ASB15: variants seen among roughly 807,000 people sequenced by gnomAD.
ASB15 encodes ankyrin repeat and SOCS box containing 15.
A neutral mutation model predicts 58.0 loss-of-function variants in ASB15; 54 were observed. The ratio of observed to expected loss-of-function variants is 0.93; its 90% CI spans 0.75 to 1.17. The LOEUF is 1.17. ASB15 is among the 50% of genes most tolerant of loss of function. The pLI, the probability that ASB15 is intolerant of heterozygous loss-of-function variation, is 0.00. For synonymous variants in ASB15, 249 were observed against 262.4 expected, an observed-to-expected ratio of 0.95 and a Z score of 0.50; for missense variants, 680 against 707.4, an observed-to-expected ratio of 0.96 and a Z score of 0.44.
At chr7:123,616,167 C>A in intron 4 of ASB15, 54 bp from the exon 5 acceptor site, 1 of 1,386,638 alleles carries the variant, frequency 7.2e-7, no homozygotes, top group South Asian at 1.3e-5. Flanking sequence ...TGTTTGGTTC[C>A]TTGAACTATA....
chr7:123,571,297 C>T (rs547696090), intron 1 of ASB15, among the ~76,000 whole-genome samples: 8 of 152,246 alleles, frequency 5.3e-5, no homozygotes, highest in Non-Finnish European at 8.8e-5. Context: ...TCTTCATTTT[C>T]GTTGTACTGT....
chr7:123,581,162 T>C (rs1054899776), intron 1 of ASB15, among the ~76,000 whole-genome samples: 1 of 151,892 alleles, frequency 6.6e-6, no homozygotes, highest in Non-Finnish European at 1.5e-5. Flanking sequence ...GGTGTTTCTC[T>C]GAGAGCATGA....
intron 1 of ASB15, among the ~76,000 whole-genome samples, chr7:123,587,975 G>C (rs1268231608): frequency 6.6e-6 from 1 of 151,732 alleles, no homozygotes; most frequent in Non-Finnish European, 1.5e-5. Context: ...ATGTTCATCA[G>C]GGATATTGCC....
chr7:123,635,712 C>G (rs1390399008), intron 11 of ASB15, among the ~76,000 whole-genome samples: 1 of 146,010 alleles, frequency 6.8e-6, no homozygotes, highest in Non-Finnish European at 1.5e-5. Flanking sequence ...CAACTAGAGT[C>G]GAAGCCAGTT....
chr7:123,621,563 T>A (rs943541102), intron 7 of ASB15: 1 of 152,208 alleles, frequency 6.6e-6, no homozygotes, highest in African/African-American at 2.4e-5. Context: ...GAAAAAAGTA[T>A]TTCTTCTTTT....
intron 7 of ASB15, among the ~76,000 whole-genome samples, chr7:123,620,797 C>A (rs549356433): frequency 6.6e-6 from 1 of 150,938 alleles, no homozygotes; most frequent in Non-Finnish European, 1.5e-5. Flanking sequence ...CTCCTGACCT[C>A]GTGATCCGCC....
chr7:123,626,038 C>T (rs936675261), intron 8 of ASB15, among the ~76,000 whole-genome samples: 4 of 152,134 alleles, frequency 2.6e-5, no homozygotes, highest in Non-Finnish European at 5.9e-5. Flanking sequence ...GTCTTAATGT[C>T]AGTGTCACTG....
chr7:123,570,159 C>G (rs559695939), intron 1 of ASB15, among the ~76,000 whole-genome samples: 1 of 151,186 alleles, frequency 6.6e-6, no homozygotes, highest in South Asian at 2.1e-4. Flanking sequence ...CTCAGCCTCC[C>G]AAGTAGCTGG....
chr7:123,636,147 G>A (rs895086146), intron 11 of ASB15, among the ~76,000 whole-genome samples: 1 of 152,114 alleles, frequency 6.6e-6, no homozygotes, highest in Non-Finnish European at 1.5e-5. Context: ...AGAGCTGGGA[G>A]TTTAATCCAA....
At chr7:123,615,486 C>T (rs1369985884) in intron 4 of ASB15, 1 of 152,178 alleles carries the variant, frequency 6.6e-6, no homozygotes, top group Non-Finnish European at 1.5e-5. Context: ...TTCAGAGCTT[C>T]CTGGAAGGCA....
intron 1 of ASB15, among the ~76,000 whole-genome samples, chr7:123,603,160 T>C (rs546044894): frequency 6.6e-6 from 1 of 152,316 alleles, no homozygotes; most frequent in African/African-American, 2.4e-5. Context: ...AAATTGGTAT[T>C]ATTTCTGGAG....
intron 3 of ASB15, among the ~76,000 whole-genome samples, chr7:123,611,082 C>T (rs371839412): frequency 1.2e-5 from 1 of 81,856 alleles, no homozygotes; most frequent in African/African-American, 4.6e-5. Flanking sequence ...AACTCCATCT[C>T]AAAAAAAAAA....
At chr7:123,577,760 C>T (rs1448954957) in intron 1 of ASB15, among the ~76,000 whole-genome samples, 1 of 151,992 alleles carries the variant, frequency 6.6e-6, no homozygotes, top group Non-Finnish European at 1.5e-5. Flanking sequence ...GTTCTCCATC[C>T]AGCTCATGTT....
At chr7:123,631,149 C>T (rs1055992098) in intron 11 of ASB15, among the ~76,000 whole-genome samples, 4 of 151,994 alleles carry the variant, frequency 2.6e-5, no homozygotes, top group African/African-American at 7.3e-5. Flanking sequence ...TTTTTATTTC[C>T]TATAAAAAGA....
chr7:123,578,051 C>T (rs1158993445), intron 1 of ASB15, among the ~76,000 whole-genome samples: 3 of 150,936 alleles, frequency 2.0e-5, no homozygotes, highest in Non-Finnish European at 3.0e-5. Flanking sequence ...TAGCCCCCCA[C>T]CCCATGACAG....
intron 1 of ASB15, among the ~76,000 whole-genome samples, chr7:123,589,842 G>A (rs1315533183): frequency 6.6e-6 from 1 of 152,136 alleles, no homozygotes; most frequent in Non-Finnish European, 1.5e-5. Flanking sequence ...CCCAGTAATG[G>A]GATCGCTAAG....
intron 1 of ASB15, among the ~76,000 whole-genome samples, chr7:123,603,583 T>G (rs141709515): frequency 2.0e-5 from 3 of 152,308 alleles, no homozygotes; most frequent in Admixed American, 2.0e-4. Context: ...GCCTCTGTCC[T>G]TTGCCAATTT....
intron 3 of ASB15, among the ~76,000 whole-genome samples, chr7:123,611,082 CAAAA>C (rs34527165): frequency 9.8e-5 from 8 of 81,842 alleles, no homozygotes; most frequent in East Asian, 4.0e-4. Context: ...AACTCCATCT[CAAAA>C]AAAAAAAAAA....
chr7:123,623,935 GAA>G (rs1308341363), intron 7 of ASB15, among the ~76,000 whole-genome samples: 1 of 4,402 alleles, frequency 2.3e-4, no homozygotes, highest in Admixed American at 1.9e-3. Context: ...AGAAAGAAAA[GAA>G]AGAAAGAAAG....
Sources: gnomAD v4.1 joint callset for allele counts (sites outside exome capture counted in the v4.1 genomes callset) on GRCh38, gnomAD v4.1.1 for gene constraint, MANE v1.5 for transcripts, NCBI Gene and HGNC (gene_info 2026-07-23, HGNC 2026-07-21) for gene names.